The following CPT1C variants were observed in gnomAD, a reference collection of about 807,000 sequenced individuals.
CPT1C encodes the protein palmitoyl thioesterase CPT1C.
Under a neutral mutation model 97.3 loss-of-function variants are expected in CPT1C, and 61 were observed. The observed-to-expected ratio is 0.63, with a 90% confidence interval of 0.51 to 0.78. The LOEUF (loss-of-function observed/expected upper bound fraction) is 0.78, where lower values mean the gene tolerates loss of function less well. Ranked by LOEUF, CPT1C falls within the 30% of genes least tolerant of loss-of-function variation. The probability of loss-of-function intolerance (pLI) is 0.00; values close to 1 mark genes in which losing one functional copy is unlikely to be tolerated. For synonymous variants in CPT1C, 469 were observed against 447.2 expected, an observed-to-expected ratio of 1.05 and a Z score of -0.61; for missense variants, 975 against 1,065.5, an observed-to-expected ratio of 0.92 and a Z score of 1.18.
In CPT1C at chr19:49,705,224, T is replaced by C; in HGVS notation, c.890T>C (p.Met297Thr). ...NRQEIPPTLL[M>T]GMRPLCSAQY... ...CACGGTTTCCTGCAGACTTTGCTGA[T>C]GGGAATGCGCCCCTTATGCTCTGCC... Residue 297 changes from methionine (M) to threonine (T), a missense_variant, in exon 10 of 20, where the codon ATG (methionine) becomes ACG (threonine). Met to Thr is a moderately conservative substitution (Grantham distance 81, BLOSUM62 -1). Coordinates refer to ENST00000598293, the MANE Select transcript of CPT1C (RefSeq NM_001199753.2). The C allele has an allele frequency of 2.5e-6, 4 of 1,614,044 alleles. No individual in the cohort carries two copies. Among genetic ancestry groups the C allele is most frequent in the African/African-American group, 1.3e-5 (1 of 74,996 alleles).
In CPT1C at chr19:49,704,700, C is replaced by T. The variant is rs747713339; in HGVS notation, c.694-10C>T. 6.2e-7 allele frequency: 1 copy of T among 1,612,882 alleles called. No individual in the cohort carries two copies. Among genetic ancestry groups the T allele is most frequent in the Non-Finnish European group, 8.5e-7 (1 of 1,179,220 alleles). On this transcript the variant is annotated splice_polypyrimidine_tract_variant and intron_variant, in intron 7 of 19. Transcript: ENST00000598293. ...GCCCCTCACTGTGTGTCTCCCCACC[C>T]CGCTCCCAGGTCAGTGACTGGTGGG...
rs767525503 is a variant in CPT1C at position 49,710,270 on chromosome 19, C to T, written c.1567-50C>T. On this transcript the variant is annotated intron_variant, in intron 14 of 19. Transcript: ENST00000598293. ...TCCAGCCTTATTCCTGGCTTTCACC[C>T]TACCCCCATCTGTAACCCCAACTAC... is the stretch of plus-strand genomic sequence containing the variant. 7.6e-6 allele frequency: 12 copies of T among 1,585,874 alleles called. No individual in the cohort carries two copies. The East Asian group carries it at 2.5e-4, about 33-fold the overall frequency.
chr19:49,709,492 C>T (rs2083715183), intron 14 of CPT1C, among the ~76,000 whole-genome samples: 1 of 152,034 alleles, frequency 6.6e-6, no homozygotes, highest in Non-Finnish European at 1.5e-5. Context: ...CATCCCCAAC[C>T]CCAGCTTCAA....
intron 10 of CPT1C, among the ~76,000 whole-genome samples, 162 bp downstream of exon 10, chr19:49,705,460 G>A (rs879086591): frequency 2.0e-5 from 3 of 152,128 alleles, no homozygotes; most frequent in Non-Finnish European, 4.4e-5. Flanking sequence ...ACTAAAGTGG[G>A]ATAATAATTG....
chr19:49,701,141 CTCTCTGGGTCTCTGTCCCCTG>C (rs1477082091), intron 5 of CPT1C, among the ~76,000 whole-genome samples, 155 bp from the exon 6 acceptor site: 15 of 149,616 alleles, frequency 1.0e-4, no homozygotes, highest in Admixed American at 6.7e-5. Context: ...CTGTCCCCCT[CTCTCTGGGTCTCTGTCCCCTG>C]TCTCTGGGTC....
At chr19:49,704,265 C>A (rs1017214694) in intron 7 of CPT1C, among the ~76,000 whole-genome samples, 1 of 152,060 alleles carries the variant, frequency 6.6e-6, no homozygotes, top group African/African-American at 2.4e-5. Flanking sequence ...TCTGCCTCCC[C>A]GACTCAAGCG....
At chr19:49,703,250 C>A (rs895541040) in intron 7 of CPT1C, among the ~76,000 whole-genome samples, 7 of 151,530 alleles carry the variant, frequency 4.6e-5, no homozygotes, top group Admixed American at 3.9e-4. Context: ...CACTCTGTCG[C>A]CCAGGCTGTA....
chr19:49,710,169 A>C, intron 14 of CPT1C, 151 bp from the exon 15 acceptor site: 1 of 750,508 alleles, frequency 1.3e-6, no homozygotes. Context: ...CTTTAGTCTC[A>C]TCCTTCAATT....
Position 49,705,961 on chromosome 19 carries a change from C to T in CPT1C, c.1017C>T (p.Gly339=), listed in dbSNP as rs199675613. Residue 339 remains glycine (G), a synonymous_variant, in exon 11 of 20, where the codon GGC becomes GGT. Coordinates refer to ENST00000598293, the MANE Select transcript of CPT1C (RefSeq NM_001199753.2). ...AACACGTGGCTGTCTTCCACCGGGG[C>T]CGATTCTTCCGCATGGGGACCCACT... ...DSQHVAVFHR[G]RFFRMGTHSR... 134 of 1,613,954 alleles carry T rather than the reference C, an allele frequency of 8.3e-5. 1 individual carries two copies. In the East Asian group the frequency reaches 2.6e-3, roughly 31 times the overall value.
chr19:49,706,038 T>A lies in CPT1C; in HGVS notation c.1094T>A (p.Ile365Asn). ...GCCCTGGAGCAGCAGTTTCAGAGAATCCTGGATGATCCCTCACCGGCCTGC... is the reference window on the plus strand; with the variant it reads ...GCCCTGGAGCAGCAGTTTCAGAGAAACCTGGATGATCCCTCACCGGCCTGC... The part of the protein sequence containing the change: ...PRALEQQFQR[I>N]LDDPSPACPH... The change falls in exon 11 of 20, where the codon ATC (isoleucine) becomes AAC (asparagine). Residue 365 changes from isoleucine (I) to asparagine (N), a missense_variant. By Grantham distance (149) the Ile-to-Asn change is moderately radical (BLOSUM62 -3). Transcript: ENST00000598293. The surrounding 1 kb of genome is among the most constrained non-coding windows in gnomAD (Gnocchi z 4.8). The A allele has an allele frequency of 6.2e-7, 1 of 1,613,848 alleles. No homozygotes were observed. Among genetic ancestry groups the A allele is most frequent in the East Asian group, 2.2e-5 (1 of 44,842 alleles).
chr19:49,701,204 C>A (rs1044649548), intron 5 of CPT1C, 113 bp from the exon 6 acceptor site: 116 of 844,026 alleles, frequency 1.4e-4, no homozygotes, highest in Non-Finnish European at 2.0e-4. Flanking sequence ...GTCTCCGATG[C>A]TCTTAAGTCT....
chr19:49,694,318 G>C (rs2082534450), intron 3 of CPT1C, among the ~76,000 whole-genome samples: 1 of 151,876 alleles, frequency 6.6e-6, no homozygotes, highest in African/African-American at 2.4e-5. Context: ...AGAGTGATGT[G>C]GGGGTGTTGC....
At chr19:49,703,018 T>C (rs1178356444) in intron 7 of CPT1C, among the ~76,000 whole-genome samples, 1 of 151,860 alleles carries the variant, frequency 6.6e-6, no homozygotes, top group Non-Finnish European at 1.5e-5. Context: ...ATGCAGGCCT[T>C]GCTTTTCTGG....
At chr19:49,698,535 C>T (rs139973245) in intron 4 of CPT1C, among the ~76,000 whole-genome samples, 327 of 150,494 alleles carry the variant, frequency 2.2e-3, no homozygotes, top group African/African-American at 7.5e-3. Context: ...TGGTGGTGCG[C>T]GCCTGTAGTC....
chr19:49,710,403 A>T lies in CPT1C; in HGVS notation c.1650A>T (p.Leu550=), dbSNP rs374381740. The change falls in exon 15 of 20, where the codon CTA becomes CTT. Residue 550 remains leucine (L), a synonymous_variant. Coordinates refer to ENST00000598293, the MANE Select transcript of CPT1C (RefSeq NM_001199753.2). ...ACTGCCATGTCGTTCCATTCTCCCTATTTGGCAAGAGCTTCATCCGACGCT... is the reference window on the plus strand; with the variant it reads ...ACTGCCATGTCGTTCCATTCTCCCTTTTTGGCAAGAGCTTCATCCGACGCT... The part of the protein sequence containing the change: ...NVDCHVVPFS[L]FGKSFIRRCH... 7 of 1,613,860 alleles carry T rather than the reference A, an allele frequency of 4.3e-6. No homozygotes were observed. The highest frequency in any genetic ancestry group is 5.9e-6 in the Non-Finnish European group (7 of 1,179,958).
In CPT1C at chr19:49,710,974, T is replaced by G. The variant is rs2083836466; in HGVS notation, c.1866+117T>G. On this transcript the variant is annotated intron_variant, in intron 16 of 19. Transcript: ENST00000598293. ...CACGAGGAGCACAAGGGACAAGGGA[T>G]GAATCGGACCTGGCCTCTGACTTCA... 10 of 1,111,120 alleles carry G rather than the reference T, an allele frequency of 9.0e-6. No homozygotes were observed. The South Asian group carries it at 1.6e-4, about 18-fold the overall frequency. 68.8% of individuals were successfully genotyped at this position (1,111,120 alleles called of 1,614,324 possible). A position where few individuals can be genotyped will look rare whatever the true frequency, so the allele number is the denominator to read the frequency against.
intron 13 of CPT1C, 38 bp downstream of exon 13, chr19:49,707,661 G>T (rs1469684466): frequency 1.4e-6 from 2 of 1,401,352 alleles, no homozygotes; most frequent in Admixed American, 3.9e-5. Context: ...GGGGACCCCT[G>T]CCCCATCTCC....
intron 12 of CPT1C, among the ~76,000 whole-genome samples, chr19:49,707,078 C>T (rs1451914529): frequency 6.6e-6 from 1 of 151,940 alleles, no homozygotes. Flanking sequence ...AGTTTGAGAC[C>T]AGCCTGGCCA....
intron 3 of CPT1C, among the ~76,000 whole-genome samples, chr19:49,693,502 G>A (rs2082467337): frequency 6.6e-6 from 1 of 152,164 alleles, no homozygotes; most frequent in African/African-American, 2.4e-5. Context: ...ATTCTTCTAT[G>A]TCCTGGCCCA....
Sources: allele counts gnomAD v4.1 joint callset (sites outside exome capture counted in the v4.1 genomes callset), GRCh38; gene constraint gnomAD v4.1.1; non-coding constraint Gnocchi (gnomAD v3.1); transcripts MANE v1.5; gene names NCBI Gene and HGNC (gene_info 2026-07-23, HGNC 2026-07-21).